NAV2: variants seen among roughly 807,000 people sequenced by gnomAD.
NAV2 encodes helicase, APC down-regulated 1.
A neutral mutation model predicts 223.2 loss-of-function variants in NAV2; 54 were observed. The ratio of observed to expected loss-of-function variants is 0.24; its 90% CI spans 0.19 to 0.30. The LOEUF is 0.30. Ranked by LOEUF, NAV2 falls within the 10% of genes least tolerant of loss-of-function variation. NAV2 has a pLI of 1.00. For missense variants in NAV2, 2,806 were observed against 3,147.5 expected (o/e 0.89, Z 2.60); for synonymous variants, 1,279 against 1,239.3 (o/e 1.03, Z -0.67).
chr11:19,350,981 A>T, exon 1 of NAV2: 1 of 1,551,758 alleles, frequency 6.4e-7, no homozygotes, highest in Admixed American at 2.0e-5. Context: ...TCCAGCCAAC[A>T]GCAGAAGAGA....
chr11:19,621,167 A>G (rs2046982527), intron 1 of NAV2, among the ~76,000 whole-genome samples: 1 of 152,124 alleles, frequency 6.6e-6, no homozygotes, highest in African/African-American at 2.4e-5. Flanking sequence ...GTTTGCCAGT[A>G]TTTTACTGAG....
chr11:19,634,793 A>C (rs1448242768), intron 1 of NAV2, among the ~76,000 whole-genome samples: 1 of 152,208 alleles, frequency 6.6e-6, no homozygotes, highest in African/African-American at 2.4e-5. Context: ...TGAGGCTCCT[A>C]ACTCAGCCTA....
intron 1 of NAV2, among the ~76,000 whole-genome samples, chr11:19,424,800 C>T (rs748901989): frequency 2.0e-5 from 3 of 152,126 alleles, no homozygotes; most frequent in Non-Finnish European, 2.9e-5. Context: ...ATCCGCCCAC[C>T]TCAGCCTCCC....
At chr11:19,590,725 CACAA>C (rs1183866433) in intron 1 of NAV2, among the ~76,000 whole-genome samples, 2 of 152,306 alleles carry the variant, frequency 1.3e-5, no homozygotes, top group African/African-American at 4.8e-5. Context: ...TGCAAAAGCT[CACAA>C]ACAACCAAAT....
chr11:19,921,242 C>G (rs575219351), intron 6 of NAV2, among the ~76,000 whole-genome samples: 4 of 152,104 alleles, frequency 2.6e-5, no homozygotes, highest in South Asian at 4.1e-4. Context: ...TTCTTCTGTT[C>G]CTGCACATTT....
At chr11:19,703,970 C>A (rs1203992318) in intron 1 of NAV2, among the ~76,000 whole-genome samples, 3 of 149,498 alleles carry the variant, frequency 2.0e-5, no homozygotes, top group Non-Finnish European at 4.4e-5. Context: ...AACCTCATTG[C>A]TTTTTTCAAA....
chr11:20,037,763 C>T (rs1011057594), intron 12 of NAV2, among the ~76,000 whole-genome samples: 44 of 152,224 alleles, frequency 2.9e-4, no homozygotes, highest in Non-Finnish European at 3.2e-4. Context: ...ATCACTGTTT[C>T]ATCAGTGATT....
chr11:20,112,264 A>G (rs1000614792), intron 36 of NAV2, among the ~76,000 whole-genome samples: 1 of 152,140 alleles, frequency 6.6e-6, no homozygotes, highest in African/African-American at 2.4e-5. Context: ...TGCTCACACA[A>G]TAATTGCTTT....
chr11:19,569,654 C>G (rs2045365417), intron 1 of NAV2, among the ~76,000 whole-genome samples: 1 of 152,090 alleles, frequency 6.6e-6, no homozygotes, highest in Non-Finnish European at 1.5e-5. Context: ...CATAATAGAC[C>G]TCAGTAAATG....
chr11:20,051,909 G>C (rs1439655673), intron 17 of NAV2, among the ~76,000 whole-genome samples: 2 of 152,138 alleles, frequency 1.3e-5, no homozygotes, highest in African/African-American at 4.8e-5. Context: ...ATAAAGAAAA[G>C]ACTCCCAGGA....
At chr11:19,671,016 A>G (rs1243843043) in intron 1 of NAV2, among the ~76,000 whole-genome samples, 1 of 152,184 alleles carries the variant, frequency 6.6e-6, no homozygotes, top group Non-Finnish European at 1.5e-5. Flanking sequence ...CATCTAGTCT[A>G]AGGATGGCAA....
At chr11:20,011,990 A>T (rs1394019574) in intron 11 of NAV2, among the ~76,000 whole-genome samples, 1 of 152,264 alleles carries the variant, frequency 6.6e-6, no homozygotes, top group Non-Finnish European at 1.5e-5. Context: ...TTGTGTGTGC[A>T]GATGATGCCC....
At position 19,713,141 on chromosome 11, in the gene NAV2, C is replaced by A. The variant is rs1331709094; in HGVS notation, c.-555C>A. The stretch of plus-strand genomic sequence containing the variant: ...GTGCTCGCGAGCAGGGTGGCAGCTG[C>A]CTCTCGGTGGAGACGTCTTGGGACC... On this transcript the variant is annotated 5_prime_UTR_variant, in exon 1 of 38. Coordinates refer to ENST00000349880, the MANE Select transcript of NAV2 (RefSeq NM_145117.5). The surrounding 1 kb of genome is among the most constrained non-coding windows in gnomAD (Gnocchi z 7.2). Among the ~76,000 whole-genome samples, 1 of 152,076 alleles carries A rather than the reference C, an allele frequency of 6.6e-6. No homozygotes were observed. Among genetic ancestry groups the A allele is most frequent in the Non-Finnish European group, 1.5e-5 (1 of 67,998 alleles).
chr11:20,009,845 G>A (rs977543559), intron 11 of NAV2, among the ~76,000 whole-genome samples: 16 of 152,058 alleles, frequency 1.1e-4, no homozygotes, highest in African/African-American at 3.9e-4. Context: ...CAGGGCTCAC[G>A]TTAAATGTCA....
chr11:19,781,436 T>C (rs2056734855), intron 1 of NAV2, among the ~76,000 whole-genome samples: 1 of 152,286 alleles, frequency 6.6e-6, no homozygotes, highest in South Asian at 2.1e-4. Flanking sequence ...GTCATCACCC[T>C]TCAGCGTCTT....
chr11:20,112,337 A>C (rs113546032), intron 36 of NAV2, among the ~76,000 whole-genome samples: 1,599 of 152,260 alleles, frequency 0.011, 27 homozygotes, highest in African/African-American at 0.036. Flanking sequence ...AGGAAGACTT[A>C]GCAACAGACT....
At chr11:19,370,781 G>T (rs991176518) in intron 1 of NAV2, among the ~76,000 whole-genome samples, 2 of 152,152 alleles carry the variant, frequency 1.3e-5, no homozygotes, top group Non-Finnish European at 2.9e-5. Flanking sequence ...TTGCTTTGAG[G>T]GCCAGCTTTG....
intron 1 of NAV2, among the ~76,000 whole-genome samples, chr11:19,789,455 G>A (rs1038496506): frequency 1.3e-5 from 2 of 152,244 alleles, no homozygotes; most frequent in Non-Finnish European, 2.9e-5. Context: ...ATTTTCGGCC[G>A]TTATTGTTAT....
At chr11:19,426,604 G>A (rs1850838379) in intron 1 of NAV2, among the ~76,000 whole-genome samples, 1 of 152,180 alleles carries the variant, frequency 6.6e-6, no homozygotes, top group African/African-American at 2.4e-5. Flanking sequence ...TGCCAAGAGA[G>A]GAATATGTTT....
Sources: allele counts gnomAD v4.1 joint callset (sites outside exome capture counted in the v4.1 genomes callset), GRCh38; gene constraint gnomAD v4.1.1; non-coding constraint Gnocchi (gnomAD v3.1); transcripts MANE v1.5; gene names NCBI Gene and HGNC (gene_info 2026-07-23, HGNC 2026-07-21).